Variants in ATE1 observed in about 807,000 individuals in gnomAD.
ATE1 encodes the protein arginyl-tRNA--protein transferase 1.
In ATE1, 36 loss-of-function variants were observed where a neutral mutation model predicts 70.5. The observed-to-expected ratio is 0.51, with a 90% CI of 0.39 to 0.67. ATE1 has a LOEUF of 0.67. Ranked by LOEUF, ATE1 falls within the 30% of genes least tolerant of loss-of-function variation. The probability of loss-of-function intolerance (pLI) is 0.00; values close to 1 mark genes in which losing one functional copy is unlikely to be tolerated. For missense variants in ATE1, 593 were observed against 629.5 expected (o/e 0.94, Z 0.62); for synonymous variants, 232 against 219.3 (o/e 1.06, Z -0.51).
chr10:121,873,765 C>G (rs1295200733), intron 7 of ATE1, among the ~76,000 whole-genome samples: 1 of 150,850 alleles, frequency 6.6e-6, no homozygotes, highest in African/African-American at 2.4e-5. Context: ...ACAGATAATT[C>G]AAGCCACTTT....
chr10:121,869,394 G>A (rs566288926), intron 8 of ATE1, among the ~76,000 whole-genome samples: 83 of 152,268 alleles, frequency 5.5e-4, no homozygotes, highest in Admixed American at 2.2e-3. Flanking sequence ...AGCTCATAAC[G>A]ATATCTAGTT....
At chr10:121,868,988 T>C (rs1487781911) in intron 8 of ATE1, among the ~76,000 whole-genome samples, 4 of 152,312 alleles carry the variant, frequency 2.6e-5, no homozygotes, top group Non-Finnish European at 4.4e-5. Context: ...AAGACGAATA[T>C]GATTTGAAGA....
chr10:121,927,801 C>T, intron 1 of ATE1, 43 bp downstream of exon 1: 1 of 1,522,506 alleles, frequency 6.6e-7, no homozygotes, highest in African/African-American at 1.4e-5. Flanking sequence ...ATCCCGAGAC[C>T]CGGGCGCCCG....
At position 121,743,664 on chromosome 10, in the gene ATE1, G is replaced by A. The variant is rs201143870; in HGVS notation, c.*16C>T. 1.6e-3 allele frequency: 2,590 copies of A among 1,587,856 alleles called. 4 individuals carry two copies. The highest frequency in any genetic ancestry group is 1.6e-3 in the Non-Finnish European group (1,907 of 1,167,702). On this transcript the variant is annotated 3_prime_UTR_variant, in exon 12 of 12. Coordinates refer to ENST00000224652, the MANE Select transcript of ATE1 (RefSeq NM_001001976.3). The stretch of plus-strand genomic sequence containing the variant: ...CATCAGCACAACACAGGAACTTCCC[G>A]GCAGAGGTGAACAGGTCAGTTTCTG...
chr10:121,903,211 A>C (rs1415764008), intron 5 of ATE1, among the ~76,000 whole-genome samples: 1 of 149,406 alleles, frequency 6.7e-6, no homozygotes, highest in Non-Finnish European at 1.5e-5. Flanking sequence ...TTTAAAAAAA[A>C]ACATTCATCC....
chr10:121,927,406 C>G (rs1952139483), intron 1 of ATE1: 1 of 984,434 alleles, frequency 1.0e-6, no homozygotes, highest in Non-Finnish European at 1.2e-6. Context: ...CCAGGGAAGT[C>G]TGATTCATAC....
At chr10:121,923,514 A>C (rs890422988) in intron 2 of ATE1, among the ~76,000 whole-genome samples, 31 of 152,214 alleles carry the variant, frequency 2.0e-4, no homozygotes, top group African/African-American at 7.5e-4. Flanking sequence ...TTATCATGGC[A>C]TGTGAAGTCC....
intron 1 of ATE1, chr10:121,927,635 A>C (rs10788222): frequency 0.91 from 855,911 of 938,424 alleles, 390,681 homozygotes; most frequent in East Asian, 0.92. Context: ...TTTCGAGAGT[A>C]CGGGCACCGG....
chr10:121,927,396 C>G (rs1490489562), intron 1 of ATE1: 10 of 984,802 alleles, frequency 1.0e-5, no homozygotes, highest in Non-Finnish European at 1.2e-5. Flanking sequence ...GTACATTCGT[C>G]CAGGGAAGTC....
At chr10:121,812,164 C>T (rs1947350808) in intron 10 of ATE1, among the ~76,000 whole-genome samples, 1 of 151,798 alleles carries the variant, frequency 6.6e-6, no homozygotes, top group South Asian at 2.1e-4. Context: ...CCATGTTGCC[C>T]AGGCTAGTCT....
intron 11 of ATE1, among the ~76,000 whole-genome samples, chr10:121,756,652 C>G (rs1011593888): frequency 2.0e-5 from 3 of 152,230 alleles, no homozygotes; most frequent in African/African-American, 4.8e-5. Context: ...CATGTGGAAG[C>G]TGCCAAGGCT....
intron 3 of ATE1, among the ~76,000 whole-genome samples, chr10:121,915,159 A>T (rs1220363045): frequency 6.6e-6 from 1 of 152,256 alleles, no homozygotes; most frequent in East Asian, 1.9e-4. Flanking sequence ...CTTTTAAAAA[A>T]ATCCTTAGGA....
intron 10 of ATE1, among the ~76,000 whole-genome samples, chr10:121,800,547 G>C (rs1946836610): frequency 6.6e-6 from 1 of 152,084 alleles, no homozygotes; most frequent in African/African-American, 2.4e-5. Context: ...TTTGAAAAGA[G>C]GCTAAACCAG....
At chr10:121,920,145 C>T (rs1157649486) in intron 3 of ATE1, among the ~76,000 whole-genome samples, 1 of 151,826 alleles carries the variant, frequency 6.6e-6, no homozygotes, top group African/African-American at 2.4e-5. Flanking sequence ...AAATTGGGGG[C>T]AAATACATGC....
intron 10 of ATE1, among the ~76,000 whole-genome samples, chr10:121,817,128 T>A (rs1314004454): frequency 6.6e-6 from 1 of 152,262 alleles, no homozygotes; most frequent in Non-Finnish European, 1.5e-5. Flanking sequence ...CCACTTTATT[T>A]GATGTAGATA....
chr10:121,864,143 A>T (rs568987811), intron 8 of ATE1, among the ~76,000 whole-genome samples: 2 of 152,366 alleles, frequency 1.3e-5, no homozygotes, highest in South Asian at 4.1e-4. Flanking sequence ...CAAAGAGCTC[A>T]TTAGCTAATG....
At chr10:121,809,760 G>A (rs1418508733) in intron 10 of ATE1, among the ~76,000 whole-genome samples, 2 of 152,032 alleles carry the variant, frequency 1.3e-5, no homozygotes, top group Non-Finnish European at 2.9e-5. Context: ...ATGCAATGAG[G>A]TGGAAGAGAC....
intron 5 of ATE1, among the ~76,000 whole-genome samples, chr10:121,905,594 C>A (rs1951158354): frequency 1.3e-5 from 2 of 152,122 alleles, no homozygotes; most frequent in South Asian, 4.1e-4. Flanking sequence ...GTAATCCCAG[C>A]ACTTTGGAAG....
rs956969018 is a variant in ATE1, at chr10:121,885,477, G to A, written c.942+14389C>T. ...CCCAGCTACTCGGGAGGCTGAGACAGGAGAATAGCATAAACCTGGGAGGTG... is the reference window on the plus strand; with the variant it reads ...CCCAGCTACTCGGGAGGCTGAGACAAGAGAATAGCATAAACCTGGGAGGTG... On this transcript the variant is annotated intron_variant, in intron 7 of 11. Coordinates refer to ENST00000224652, the MANE Select transcript of ATE1 (RefSeq NM_001001976.3). Among the ~76,000 whole-genome samples, 9 of 139,928 alleles carry A rather than the reference G, an allele frequency of 6.4e-5. 1 individual carries two copies. The Admixed American group carries it at 6.9e-4, about 11-fold the overall frequency. The allele number at this position is 139,928 out of a possible 152,430, so 91.8% of individuals were successfully genotyped here. A position where few individuals can be genotyped will look rare whatever the true frequency, so the allele number is the denominator to read the frequency against.
Sources: gnomAD v4.1 joint callset for allele counts (sites outside exome capture counted in the v4.1 genomes callset) on GRCh38, gnomAD v4.1.1 for gene constraint, MANE v1.5 for transcripts, NCBI Gene and HGNC (gene_info 2026-07-23, HGNC 2026-07-21) for gene names.